STARD13: variants seen among roughly 807,000 people sequenced by gnomAD.
STARD13 encodes stAR-related lipid transfer protein 13.
A neutral mutation model predicts 106.4 loss-of-function variants in STARD13; 62 were observed. That is an observed-to-expected ratio of 0.58 (90% CI 0.48 to 0.72). The LOEUF (loss-of-function observed/expected upper bound fraction) is 0.72. Among genes scored for constraint, STARD13 ranks in the 30% least tolerant of loss-of-function variants. STARD13 has a pLI of 0.00. For synonymous variants in STARD13, 565 were observed against 553.0 expected (o/e 1.02, Z -0.31); for missense variants, 1,387 against 1,424.0 (o/e 0.97, Z 0.42).
rs752755758 is a variant in STARD13 at position 33,142,310 on chromosome 13, C to T, written c.387G>A (p.Lys129=). 8 of 1,613,604 alleles carry T rather than the reference C, an allele frequency of 5.0e-6. No homozygotes were observed. The highest frequency in any genetic ancestry group is 2.7e-5 in the African/African-American group (2 of 74,914). The change falls in exon 4 of 14, where the codon AAG becomes AAA. Residue 129 remains lysine, a splice_region_variant and synonymous_variant. Coordinates refer to ENST00000336934, the MANE Select transcript of STARD13 (RefSeq NM_178006.4). ...MKLDVNFQRK[K]GDDSDEEDLC... Reference sequence around the variant, plus strand: ...TTCTTATTAAGGTGTGGGCACCTACCTTTTTCCTTTGGAAGTTCACATCAA... The same window carrying T: ...TTCTTATTAAGGTGTGGGCACCTACTTTTTTCCTTTGGAAGTTCACATCAA...
At chr13:33,574,279 T>C in the STARD13 span, among the ~76,000 whole-genome samples, 1 of 152,202 alleles carries the variant, frequency 6.6e-6, no homozygotes, top group African/African-American at 2.4e-5. Flanking sequence ...AATATAAAAA[T>C]CGACAAACTT....
chr13:33,168,987 C>A (rs1183706079), intron 1 of STARD13, among the ~76,000 whole-genome samples: 3 of 152,238 alleles, frequency 2.0e-5, no homozygotes, highest in African/African-American at 7.2e-5. Flanking sequence ...ACGCCTGCCT[C>A]TTCTGTCATC....
At chr13:33,613,623 A>C in the STARD13 span, among the ~76,000 whole-genome samples, 2 of 152,200 alleles carry the variant, frequency 1.3e-5, no homozygotes, top group Non-Finnish European at 2.9e-5. Context: ...ACCAAGCACC[A>C]TTGGTCTGGA....
chr13:33,499,325 G>T, the STARD13 span, among the ~76,000 whole-genome samples: 2 of 152,166 alleles, frequency 1.3e-5, no homozygotes, highest in Non-Finnish European at 2.9e-5. Context: ...AGACTGGTTG[G>T]TTAAATAACA....
the STARD13 span, among the ~76,000 whole-genome samples, chr13:33,641,629 A>G: frequency 2.6e-5 from 4 of 152,026 alleles, no homozygotes; most frequent in East Asian, 7.7e-4. Flanking sequence ...ATTTTGGGGT[A>G]TTGTTTTCTG....
chr13:33,421,137 T>C, the STARD13 span, among the ~76,000 whole-genome samples: 23,756 of 151,974 alleles, frequency 0.16, 4,435 homozygotes, highest in African/African-American at 0.44. Flanking sequence ...ACAAAAAACC[T>C]TTCAAAAAAT....
At chr13:33,407,369 G>A in the STARD13 span, among the ~76,000 whole-genome samples, 1 of 152,320 alleles carries the variant, frequency 6.6e-6, no homozygotes, top group South Asian at 2.1e-4. Flanking sequence ...GAATGAAACT[G>A]TAGTCAGAGA....
the STARD13 span, among the ~76,000 whole-genome samples, chr13:33,461,528 C>T: frequency 6.6e-6 from 1 of 152,282 alleles, no homozygotes; most frequent in Admixed American, 6.5e-5. Context: ...GGTCTTATTT[C>T]AGATTTGTGC....
At chr13:33,436,005 G>A in the STARD13 span, among the ~76,000 whole-genome samples, 1 of 152,134 alleles carries the variant, frequency 6.6e-6, no homozygotes, top group Non-Finnish European at 1.5e-5. Context: ...TAACTCTTGT[G>A]AAATTCTGTT....
At chr13:33,119,522 C>G (rs1307834642) in intron 7 of STARD13, among the ~76,000 whole-genome samples, 6 of 152,326 alleles carry the variant, frequency 3.9e-5, no homozygotes, top group Non-Finnish European at 8.8e-5. Context: ...ATTGCTGCAA[C>G]AAATGGAGAG....
the STARD13 span, among the ~76,000 whole-genome samples, chr13:33,474,499 T>C: frequency 6.6e-6 from 1 of 152,250 alleles, no homozygotes; most frequent in South Asian, 2.1e-4. Context: ...TATTTTTACC[T>C]GGCAACAAAT....
intron 1 of STARD13, among the ~76,000 whole-genome samples, chr13:33,326,260 A>C (rs1159120518): frequency 1.3e-5 from 2 of 152,166 alleles, no homozygotes; most frequent in Admixed American, 6.5e-5. Context: ...TCCCTATGCT[A>C]GGAAAGCCCT....
At chr13:33,296,113 C>A (rs1029451423) in intron 1 of STARD13, among the ~76,000 whole-genome samples, 1 of 151,926 alleles carries the variant, frequency 6.6e-6, no homozygotes, top group African/African-American at 2.4e-5. Flanking sequence ...ACTGTAATCC[C>A]AGCTGCTCAC....
At chr13:33,336,943 T>A (rs368985459) in intron 1 of STARD13, among the ~76,000 whole-genome samples, 1 of 152,128 alleles carries the variant, frequency 6.6e-6, no homozygotes, top group Non-Finnish European at 1.5e-5. Flanking sequence ...TAGCAAAGAC[T>A]GCAATTATTT....
the STARD13 span, among the ~76,000 whole-genome samples, chr13:33,623,428 T>TAAAAAAA: frequency 1.3e-4 from 8 of 59,348 alleles, no homozygotes; most frequent in Non-Finnish European, 4.1e-4. Context: ...CTCAATAAAG[T>TAAAAAAA]AAAAAAAAAA....
downstream of STARD13, among the ~76,000 whole-genome samples, chr13:33,347,209 C>T (rs1196630616): frequency 6.6e-6 from 1 of 152,102 alleles, no homozygotes; most frequent in Non-Finnish European, 1.5e-5. Context: ...GTCCCATAAG[C>T]TTACAATGCC....
At chr13:33,342,642 C>T (rs948036234) in intron 1 of STARD13, among the ~76,000 whole-genome samples, 5 of 151,890 alleles carry the variant, frequency 3.3e-5, no homozygotes, top group African/African-American at 2.4e-5. Flanking sequence ...GCTATCTTCC[C>T]GCCTCAGCCT....
chr13:33,274,271 T>C (rs1360394217), intron 1 of STARD13, among the ~76,000 whole-genome samples: 1 of 152,150 alleles, frequency 6.6e-6, no homozygotes, highest in Admixed American at 6.5e-5. Context: ...GTAGATCATA[T>C]GGATGGGCCC....
At chr13:33,186,013 G>T (rs1289980782) in intron 1 of STARD13, 1 of 1,614,156 alleles carries the variant, frequency 6.2e-7, no homozygotes, top group Non-Finnish European at 8.5e-7. Context: ...ACTGAGGAGG[G>T]TTCCAGCATG....
Sources: allele counts gnomAD v4.1 joint callset (sites outside exome capture counted in the v4.1 genomes callset), GRCh38; gene constraint gnomAD v4.1.1; transcripts MANE v1.5; gene names NCBI Gene and HGNC (gene_info 2026-07-23, HGNC 2026-07-21).